KAT6A: variants seen among roughly 807,000 people sequenced by gnomAD.
The protein encoded by KAT6A is lysine acetyltransferase 6A.
In KAT6A, 9 loss-of-function variants were observed where a neutral mutation model predicts 198.4. The observed-to-expected ratio is 0.05, with a 90% CI of 0.03 to 0.08. KAT6A has a LOEUF of 0.08. Among genes scored for constraint, KAT6A ranks in the 10% least tolerant of loss-of-function variants. The pLI is 1.00. For synonymous variants in KAT6A, 890 were observed against 883.0 expected, an observed-to-expected ratio of 1.01 and a Z score of -0.14; for missense variants, 2,077 against 2,509.9, an observed-to-expected ratio of 0.83 and a Z score of 3.69.
chr8:42,049,927 G>A (rs546181734), intron 1 of KAT6A, among the ~76,000 whole-genome samples: 5 of 152,288 alleles, frequency 3.3e-5, no homozygotes, highest in African/African-American at 9.6e-5. Context: ...TAGAGTAAAA[G>A]TGCTTACTGA....
chr8:42,023,677 G>A (rs1431618201), intron 2 of KAT6A, among the ~76,000 whole-genome samples: 4 of 151,716 alleles, frequency 2.6e-5, no homozygotes, highest in Non-Finnish European at 5.9e-5. Context: ...TGTAAAGACG[G>A]GGTTTTGTCA....
chr8:41,932,155 G>A lies in KAT6A; in HGVS notation c.*50C>T, dbSNP rs547173239. The A allele has an allele frequency of 4.2e-6, 6 of 1,419,944 alleles. No individual in the cohort carries two copies. The East Asian group carries it at 1.2e-4, about 29-fold the overall frequency. 88.0% of individuals were successfully genotyped at this position (1,419,944 alleles called of 1,614,324 possible). A position where few individuals can be genotyped will look rare whatever the true frequency, so the allele number is the denominator to read the frequency against. ...TTTTCTCTGGTTTGTCAGTATAAAA[G>A]GTTCCTTTATTTATATATATTTAAG... is the stretch of plus-strand genomic sequence containing the variant. On this transcript the variant is annotated 3_prime_UTR_variant, in exon 17 of 17. Transcript: ENST00000265713.
chr8:42,021,490 T>C (rs545946628), intron 2 of KAT6A, among the ~76,000 whole-genome samples: 2 of 152,290 alleles, frequency 1.3e-5, no homozygotes, highest in South Asian at 4.1e-4. Flanking sequence ...ATACTATCCC[T>C]CTTTTACAGA....
intron 2 of KAT6A, among the ~76,000 whole-genome samples, chr8:42,048,059 G>A (rs1802404009): frequency 6.6e-6 from 1 of 151,510 alleles, no homozygotes; most frequent in Admixed American, 6.6e-5. Flanking sequence ...GTCTCACGCT[G>A]GAGTACTCCT....
At chr8:42,017,508 C>T (rs1587829852) in intron 2 of KAT6A, among the ~76,000 whole-genome samples, 2 of 151,798 alleles carry the variant, frequency 1.3e-5, no homozygotes, top group East Asian at 1.9e-4. Flanking sequence ...GTCAAAGAGG[C>T]TTAAAAGATG....
chr8:41,974,269 G>C (rs1823941516), intron 8 of KAT6A: 1 of 151,974 alleles, frequency 6.6e-6, no homozygotes, highest in Non-Finnish European at 1.5e-5. Context: ...TTTTGAGATG[G>C]GGTTTTGCCA....
rs1029155894 is a variant in KAT6A at position 41,933,774 on chromosome 8, A to G, written c.4446T>C (p.Pro1482=). The G allele has an allele frequency of 1.9e-6, 3 of 1,614,080 alleles. No homozygotes were observed. The highest frequency in any genetic ancestry group is 2.5e-6 in the Non-Finnish European group (3 of 1,180,002). ...TGGGGTGAGACTGAACGGAGGAGAT[A>G]GGGCTATTATGTTCTGACGCATGAC... The part of the protein sequence containing the change: ...EDCHASEHNS[P]ISSVQSHPSQ... The change falls in exon 17 of 17, where the codon CCT becomes CCC. Residue 1482 remains proline (P), a synonymous_variant. Coordinates refer to ENST00000265713, the MANE Select transcript of KAT6A (RefSeq NM_006766.5). This position sits in a 1 kb window ranked among gnomAD's most constrained non-coding sequence, Gnocchi z 6.2.
chr8:41,937,275 T>C lies in KAT6A; in HGVS notation c.3333A>G (p.Glu1111=), dbSNP rs1245900847. ...ACATACCATCAGCATCATCTGACTC[T>C]TCATCTTCTTCTTCATCTTTAGACT... ...KRKSKDEEED[E]ESDDADDTPI... The change falls in exon 16 of 17, where the codon GAA becomes GAG. Residue 1111 remains glutamate (E), a synonymous_variant. Transcript: ENST00000265713. 1 of 1,613,424 alleles carries C rather than the reference T, an allele frequency of 6.2e-7. No homozygotes were observed. The highest frequency in any genetic ancestry group is 2.2e-5 in the East Asian group (1 of 44,840).
At position 42,043,914 on chromosome 8, in the gene KAT6A, T is replaced by G. The variant is rs568242624; in HGVS notation, c.600+4464A>C. Among the ~76,000 whole-genome samples, 15 of 151,550 alleles carry G rather than the reference T, an allele frequency of 9.9e-5. No individual in the cohort carries two copies. In the South Asian group the frequency reaches 3.1e-3, roughly 31 times the overall value. On this transcript the variant is annotated intron_variant, in intron 2 of 16. Transcript: ENST00000265713. ...AGCTATTTCACTGCTGGTACTGTTATGTTATTAATAACTAACTAACCTAAC... is the reference window on the plus strand; with the variant it reads ...AGCTATTTCACTGCTGGTACTGTTAGGTTATTAATAACTAACTAACCTAAC...
intron 3 of KAT6A, among the ~76,000 whole-genome samples, chr8:41,986,341 G>A (rs1006730260): frequency 5.3e-5 from 8 of 152,072 alleles, no homozygotes; most frequent in African/African-American, 1.4e-4. Context: ...CACATTGCTC[G>A]CTAGACTGCA....
intron 12 of KAT6A, among the ~76,000 whole-genome samples, chr8:41,944,767 T>C (rs1822295713): frequency 6.6e-6 from 1 of 152,190 alleles, no homozygotes. Flanking sequence ...TTCCCTAACT[T>C]TGCAATTTAA....
chr8:42,008,905 G>T (rs573814017), intron 2 of KAT6A, among the ~76,000 whole-genome samples: 77 of 152,256 alleles, frequency 5.1e-4, no homozygotes, highest in Admixed American at 9.8e-4. Flanking sequence ...TTTTAAAATT[G>T]TAATTTAAAA....
Position 42,048,598 on chromosome 8 carries a change from C to A in KAT6A, c.380G>T (p.Gly127Val), listed in dbSNP as rs1224847874. Residue 127 changes from glycine (G) to valine (V), a missense_variant, in exon 2 of 17, where the codon GGT becomes GTT. Physicochemically the swap from Gly to Val is moderately radical, Grantham distance 109. Around this residue, in one of 13 missense-constraint regions of KAT6A, gnomAD observed 185 missense variants for 185.7 expected, o/e 1.00. Transcript: ENST00000265713. ...TLKSIERFLK[G>V]QKDVSALFGG... ...GAATAATGCAGACACATCCTTCTGA[C>A]CTTTCAAAAAACGTTCAATGCTTTT... 5 of 1,614,100 alleles carry A rather than the reference C, an allele frequency of 3.1e-6. No individual in the cohort carries two copies. The highest frequency in any genetic ancestry group is 4.2e-6 in the Non-Finnish European group (5 of 1,180,048).
intron 11 of KAT6A, among the ~76,000 whole-genome samples, chr8:41,946,969 C>G (rs1822427416): frequency 6.6e-6 from 1 of 152,190 alleles, no homozygotes; most frequent in African/African-American, 2.4e-5. Flanking sequence ...TAAGGATCAG[C>G]ACCGGAATCT....
At chr8:41,966,918 G>A (rs1201898138) in intron 8 of KAT6A, among the ~76,000 whole-genome samples, 2 of 152,156 alleles carry the variant, frequency 1.3e-5, no homozygotes, top group African/African-American at 2.4e-5. Flanking sequence ...AAAACTTACA[G>A]GAAGTCACTG....
chr8:41,987,089 C>G (rs1217662537), intron 3 of KAT6A, among the ~76,000 whole-genome samples: 1 of 152,148 alleles, frequency 6.6e-6, no homozygotes, highest in Non-Finnish European at 1.5e-5. Context: ...CCCGTAAGGT[C>G]ATACTACTGT....
rs753400562 is a variant in KAT6A at position 41,932,657 on chromosome 8, T to C, written c.5563A>G (p.Ile1855Val). 6.2e-7 allele frequency: 1 copy of C among 1,614,104 alleles called. No individual in the cohort carries two copies. Among genetic ancestry groups the C allele is most frequent in the African/African-American group, 1.3e-5 (1 of 74,946 alleles). ...GGCGCAGACTTGGAGCGGATGGAAA[T>C]GTGCCCCTTCACTGGCATTTGCCCT... The part of the protein sequence containing the change: ...LQGQMPVKGH[I>V]SIRSKSAPLP... Residue 1855 changes from isoleucine to valine, a missense_variant, in exon 17 of 17, where the codon ATT becomes GTT. Ile to Val is a conservative substitution (Grantham distance 29, BLOSUM62 3). Around this residue, in one of 13 missense-constraint regions of KAT6A, gnomAD observed 500 missense variants for 577.2 expected, o/e 0.87. Transcript: ENST00000265713.
chr8:41,946,754 A>G lies in KAT6A; in HGVS notation c.1903-70T>C, dbSNP rs1419219521. On this transcript the variant is annotated intron_variant, in intron 11 of 16. Transcript: ENST00000265713. ...AGTGAATAATAACGTGAATTAAGAA[A>G]CAAAGACTAATGGCCAAAACCCACA... 6.4e-6 allele frequency: 6 copies of G among 934,718 alleles called. No homozygotes were observed. The East Asian group carries it at 1.2e-4, about 19-fold the overall frequency. 57.9% of individuals were successfully genotyped at this position (934,718 alleles called of 1,614,324 possible).
chr8:42,008,559 G>A (rs112108201), intron 2 of KAT6A, among the ~76,000 whole-genome samples: 3,080 of 152,056 alleles, frequency 0.02, 94 homozygotes, highest in African/African-American at 0.068. Context: ...GGCTGGTCTC[G>A]AACTCCTGAC....
Sources: gnomAD v4.1 joint callset for allele counts (sites outside exome capture counted in the v4.1 genomes callset) on GRCh38, gnomAD v4.1.1 for gene constraint, gnomAD v4.1.1 regional missense constraint, Gnocchi (gnomAD v3.1) non-coding constraint, MANE v1.5 for transcripts, NCBI Gene and HGNC (gene_info 2026-07-23, HGNC 2026-07-21) for gene names.